PCSK6: variants seen among roughly 807,000 people sequenced by gnomAD.
The protein encoded by PCSK6 is proprotein convertase subtilisin/kexin type 6, also known as paired basic amino acid cleaving enzyme 4.
PCSK6 carries 85 observed loss-of-function variants against 123.3 expected under a neutral mutation model. The ratio of observed to expected loss-of-function variants is 0.69; its 90% CI spans 0.58 to 0.83. PCSK6 has a LOEUF of 0.83. Among genes scored for constraint, PCSK6 ranks in the 40% least tolerant of loss-of-function variants. The pLI is 0.00. For synonymous variants in PCSK6, 508 were observed against 516.0 expected, an observed-to-expected ratio of 0.98 and a Z score of 0.21; for missense variants, 1,191 against 1,282.3, an observed-to-expected ratio of 0.93 and a Z score of 1.09.
chr15:101,408,923 A>G (rs1053756679), intron 6 of PCSK6, among the ~76,000 whole-genome samples: 1 of 152,242 alleles, frequency 6.6e-6, no homozygotes, highest in African/African-American at 2.4e-5. Context: ...TCCCCAATCA[A>G]AATATGGAGC....
chr15:101,465,723 A>G (rs539208124), intron 1 of PCSK6, among the ~76,000 whole-genome samples: 1 of 152,278 alleles, frequency 6.6e-6, no homozygotes, highest in South Asian at 2.1e-4. Flanking sequence ...AGGCACCTGA[A>G]CTACACGTGA....
Position 101,443,612 on chromosome 15 carries a change from T to C in PCSK6, c.346A>G (p.Lys116Glu), listed in dbSNP as rs2056813446. The C allele has an allele frequency of 6.2e-7, 1 of 1,613,874 alleles. No individual in the cohort carries two copies. The highest frequency in any genetic ancestry group is 8.5e-7 in the Non-Finnish European group (1 of 1,179,878). The change falls in exon 2 of 22, where the codon AAA becomes GAA. Residue 116 changes from lysine to glutamate, a missense_variant. Lys to Glu is a moderately conservative substitution (Grantham distance 56, BLOSUM62 1). Around this residue, in one of 3 missense-constraint regions of PCSK6, gnomAD observed 204 missense variants for 166.4 expected, o/e 1.23. Transcript: ENST00000611716. ...YYHFYHSKTF[K>E]RSTLSSRGPH... is the part of the protein sequence containing the mutation. ...CCTCTGCTACTCAAGGTTGATCTTT[T>C]AAAGGTTTTGCTGTGATAAAAATGG... is the stretch of plus-strand genomic sequence containing the variant.
At chr15:101,475,140 C>T (rs2057699979) in intron 1 of PCSK6, among the ~76,000 whole-genome samples, 1 of 152,196 alleles carries the variant, frequency 6.6e-6, no homozygotes, top group Non-Finnish European at 1.5e-5. Flanking sequence ...TTGGACTCCG[C>T]CCCTATATTC....
intron 19 of PCSK6, 111 bp from the exon 20 acceptor site, chr15:101,313,616 G>T (rs1191043021): frequency 7.6e-6 from 11 of 1,456,568 alleles, no homozygotes; most frequent in Non-Finnish European, 9.1e-6. Flanking sequence ...GAGCCCCCAG[G>T]CCACCACCAC....
chr15:101,357,674 G>C (rs958360542), intron 13 of PCSK6, among the ~76,000 whole-genome samples: 1 of 152,244 alleles, frequency 6.6e-6, no homozygotes. Context: ...GGCCTCACAG[G>C]CATGCTCTGG....
intron 1 of PCSK6, among the ~76,000 whole-genome samples, chr15:101,449,285 A>G (rs2056972157): frequency 6.6e-6 from 1 of 152,254 alleles, no homozygotes; most frequent in East Asian, 1.9e-4. Context: ...TGTTTAAGGA[A>G]AAATGACAAG....
intron 13 of PCSK6, among the ~76,000 whole-genome samples, chr15:101,355,128 G>C (rs1343596511): frequency 6.6e-6 from 1 of 152,210 alleles, no homozygotes; most frequent in African/African-American, 2.4e-5. Context: ...GTGGGTTGCT[G>C]CTCTTTTGGA....
chr15:101,397,184 A>G (rs1309038849), intron 7 of PCSK6, among the ~76,000 whole-genome samples: 3 of 152,132 alleles, frequency 2.0e-5, no homozygotes, highest in Non-Finnish European at 4.4e-5. Context: ...GCTCATTCTG[A>G]TAAGAGGAAA....
At chr15:101,475,842 C>G (rs1369442198) in intron 1 of PCSK6, among the ~76,000 whole-genome samples, 1 of 152,152 alleles carries the variant, frequency 6.6e-6, no homozygotes, top group African/African-American at 2.4e-5. Context: ...ATTAAAACAA[C>G]CACCAGATCT....
Position 101,403,618 on chromosome 15 carries a change from C to T in PCSK6, c.824-5042G>A, listed in dbSNP as rs1379937342. ...CCCAATGCAAGAACAAGAACGTGAC[C>T]CACTGGGGGCCTCTACTTCTGTGTC... On this transcript the variant is annotated intron_variant, in intron 6 of 21. Transcript: ENST00000611716. Among the ~76,000 whole-genome samples the T allele has an allele frequency of 9.2e-5, 14 of 152,252 alleles. No individual in the cohort carries two copies. The South Asian group carries it at 2.9e-3, about 32-fold the overall frequency.
intron 13 of PCSK6, among the ~76,000 whole-genome samples, chr15:101,341,988 G>A (rs2040619467): frequency 2.0e-5 from 3 of 151,858 alleles, no homozygotes; most frequent in Admixed American, 2.0e-4. Flanking sequence ...AAATTAGCCG[G>A]GCGCGGTGGT....
intron 13 of PCSK6, among the ~76,000 whole-genome samples, chr15:101,349,414 G>C (rs1169605280): frequency 6.6e-6 from 1 of 152,198 alleles, no homozygotes; most frequent in African/African-American, 2.4e-5. Flanking sequence ...TGCCTCCAGC[G>C]CAGCAACCCT....
chr15:101,386,467 T>A (rs1390401230), intron 9 of PCSK6, among the ~76,000 whole-genome samples: 1 of 152,154 alleles, frequency 6.6e-6, no homozygotes, highest in Non-Finnish European at 1.5e-5. Flanking sequence ...TCCAGAACTT[T>A]TCACCACCTC....
At chr15:101,437,211 G>C (rs1427474226) in intron 2 of PCSK6, among the ~76,000 whole-genome samples, 1 of 152,234 alleles carries the variant, frequency 6.6e-6, no homozygotes, top group East Asian at 1.9e-4. Flanking sequence ...TGAGGGATTG[G>C]TCCTGTGGCT....
intron 13 of PCSK6, among the ~76,000 whole-genome samples, chr15:101,358,287 T>C (rs1312925983): frequency 6.6e-6 from 1 of 152,210 alleles, no homozygotes; most frequent in African/African-American, 2.4e-5. Flanking sequence ...TGGCCTGTAT[T>C]TTCTATGCTA....
At chr15:101,353,429 C>G (rs1386226791) in intron 13 of PCSK6, among the ~76,000 whole-genome samples, 1 of 152,120 alleles carries the variant, frequency 6.6e-6, no homozygotes, top group Non-Finnish European at 1.5e-5. Context: ...AGTCTAGTCC[C>G]TAACAGTCCA....
chr15:101,394,478 T>C (rs2042342250), intron 7 of PCSK6, among the ~76,000 whole-genome samples: 1 of 152,172 alleles, frequency 6.6e-6, no homozygotes, highest in Non-Finnish European at 1.5e-5. Context: ...ATAGTCCAGA[T>C]GGCTGGATGG....
chr15:101,398,633 G>A lies in PCSK6; in HGVS notation c.824-57C>T. ...CCCAGGCTCCGGGCACACAGCGACGGGAACCCGGGCCCAGGAGGCTCGGAT... is the reference window on the plus strand; with the variant it reads ...CCCAGGCTCCGGGCACACAGCGACGAGAACCCGGGCCCAGGAGGCTCGGAT... On this transcript the variant is annotated intron_variant, in intron 6 of 21. Transcript: ENST00000611716. This position sits in a 1 kb window ranked among gnomAD's most constrained non-coding sequence, Gnocchi z 4.6. 1 of 1,564,904 alleles carries A rather than the reference G, an allele frequency of 6.4e-7. No individual in the cohort carries two copies. Among genetic ancestry groups the A allele is most frequent in the South Asian group, 1.1e-5 (1 of 87,396 alleles).
At chr15:101,331,772 C>G in intron 14 of PCSK6, 80 bp downstream of exon 14, 1 of 1,596,894 alleles carries the variant, frequency 6.3e-7, no homozygotes, top group Non-Finnish European at 8.6e-7. Context: ...TTGCCAGGAG[C>G]AGCCCTACAT....
Sources: gnomAD v4.1 joint callset for allele counts (sites outside exome capture counted in the v4.1 genomes callset) on GRCh38, gnomAD v4.1.1 for gene constraint, gnomAD v4.1.1 regional missense constraint, Gnocchi (gnomAD v3.1) non-coding constraint, MANE v1.5 for transcripts, NCBI Gene and HGNC (gene_info 2026-07-23, HGNC 2026-07-21) for gene names.